The following ZBTB46 variants were observed in gnomAD, a reference collection of about 807,000 sequenced individuals.
The protein encoded by ZBTB46 is zinc finger and BTB domain-containing protein 46.
In ZBTB46, 8 loss-of-function variants were observed where a neutral mutation model predicts 44.1. The observed-to-expected ratio is 0.18, with a 90% CI of 0.11 to 0.33. The LOEUF (loss-of-function observed/expected upper bound fraction) is 0.33, where lower values mean the gene tolerates loss of function less well. ZBTB46 is among the 10% of genes least tolerant of loss of function. ZBTB46 has a pLI of 1.00. For synonymous variants in ZBTB46, 409 were observed against 382.3 expected (o/e 1.07, Z -0.81); for missense variants, 651 against 847.7 (o/e 0.77, Z 2.88).
chr20:63,809,977 AAAG>A (rs1411721769), intron 1 of ZBTB46, among the ~76,000 whole-genome samples: 1 of 151,654 alleles, frequency 6.6e-6, no homozygotes, highest in Non-Finnish European at 1.5e-5. Flanking sequence ...AAAAAAAAGA[AAAG>A]AAAACTCTAA....
At chr20:63,813,319 C>T (rs1411863769) in intron 1 of ZBTB46, among the ~76,000 whole-genome samples, 2 of 151,174 alleles carry the variant, frequency 1.3e-5, no homozygotes, top group Non-Finnish European at 1.5e-5. Flanking sequence ...TGTGGTGGAG[C>T]GCGCCTGTAA....
At chr20:63,755,933 A>G (rs1361126606) in intron 3 of ZBTB46, among the ~76,000 whole-genome samples, 1 of 152,220 alleles carries the variant, frequency 6.6e-6, no homozygotes, top group Non-Finnish European at 1.5e-5. Flanking sequence ...CGCAAGGAAA[A>G]GGCCAACTTC....
At chr20:63,827,328 C>A (rs933244217) in intron 1 of ZBTB46, among the ~76,000 whole-genome samples, 5 of 152,212 alleles carry the variant, frequency 3.3e-5, no homozygotes, top group African/African-American at 4.8e-5. Context: ...CAAAAGATGG[C>A]CGGGCGCGGT....
rs183774793 is a variant in ZBTB46, at chr20:63,803,409, G to C, written c.-33-12619C>G. The C allele has an allele frequency of 9.0e-5, 89 of 985,464 alleles. No individual in the cohort carries two copies. In the African/African-American group the frequency reaches 1.4e-3, roughly 16 times the overall value. The allele number at this position is 985,464 out of a possible 1,614,324, so 61.0% of individuals were successfully genotyped here. A position where few individuals can be genotyped will look rare whatever the true frequency, so the allele number is the denominator to read the frequency against. ...GAAAACACTCCAAGACATGTTAGCA[G>C]AGTCGTCTTTCGACAGCGAGACCGG... On this transcript the variant is annotated intron_variant, in intron 1 of 4. Coordinates refer to ENST00000245663, the MANE Select transcript of ZBTB46 (RefSeq NM_001369741.1). This position sits in a 1 kb window ranked among gnomAD's most constrained non-coding sequence, Gnocchi z 4.0.
In ZBTB46 at chr20:63,752,874, G is replaced by A. The variant is rs1180164754; in HGVS notation, c.1223-13C>T. 6.3e-7 allele frequency: 1 copy of A among 1,587,966 alleles called. No individual in the cohort carries two copies. The highest frequency in any genetic ancestry group is 2.3e-5 in the East Asian group (1 of 44,144). ...GTGAACTCATTCACTGAAAGAGAGG[G>A]ACCCGCGAGGCGTCAGCAGGGCTTG... On this transcript the variant is annotated splice_polypyrimidine_tract_variant and intron_variant, in intron 3 of 4. Coordinates refer to ENST00000245663, the MANE Select transcript of ZBTB46 (RefSeq NM_001369741.1). The surrounding 1 kb of genome is among the most constrained non-coding windows in gnomAD (Gnocchi z 5.6).
intron 1 of ZBTB46, among the ~76,000 whole-genome samples, chr20:63,817,467 C>A (rs2092765930): frequency 6.6e-6 from 1 of 151,796 alleles, no homozygotes; most frequent in South Asian, 2.1e-4. Flanking sequence ...GTAATCCCAG[C>A]TCTTCAGGAG....
chr20:63,775,779 A>G lies in ZBTB46; in HGVS notation c.1121T>C (p.Leu374Pro), dbSNP rs747309768. 3.1e-6 allele frequency: 5 copies of G among 1,613,114 alleles called. No homozygotes were observed. Among genetic ancestry groups the G allele is most frequent in the Non-Finnish European group, 4.2e-6 (5 of 1,179,874 alleles). The change falls in exon 3 of 5, where the codon CTC becomes CCC. Residue 374 changes from leucine (L) to proline (P), a missense_variant. Coordinates refer to ENST00000245663, the MANE Select transcript of ZBTB46 (RefSeq NM_001369741.1). ...ATAVANLRAA[L>P]MSKNSLLSLK... ...CGACAGCAGGCTGTTCTTACTCATGAGCGCCGCGCGCAGGTTGGCCACCGC... is the reference window on the plus strand; with the variant it reads ...CGACAGCAGGCTGTTCTTACTCATGGGCGCCGCGCGCAGGTTGGCCACCGC...
intron 4 of ZBTB46, among the ~76,000 whole-genome samples, chr20:63,749,905 C>G (rs992535926): frequency 2.0e-5 from 3 of 152,222 alleles, no homozygotes; most frequent in Admixed American, 2.0e-4. Flanking sequence ...GGCAAATGCC[C>G]TGGAAGGAAG....
intron 4 of ZBTB46, among the ~76,000 whole-genome samples, chr20:63,748,963 C>T (rs1009648338): frequency 2.0e-5 from 3 of 152,258 alleles, no homozygotes; most frequent in African/African-American, 7.2e-5. Flanking sequence ...TGGGGCTGGA[C>T]CCGGGCCCTT....
At chr20:63,781,467 A>G (rs1184151515) in intron 2 of ZBTB46, among the ~76,000 whole-genome samples, 1 of 152,244 alleles carries the variant, frequency 6.6e-6, no homozygotes, top group African/African-American at 2.4e-5. Context: ...TATGAATGGC[A>G]TCATCCGCCA....
chr20:63,762,284 T>G (rs1177024753), intron 3 of ZBTB46, among the ~76,000 whole-genome samples: 1 of 152,228 alleles, frequency 6.6e-6, no homozygotes, highest in Non-Finnish European at 1.5e-5. Context: ...CTGAGATAAG[T>G]GTTTTAAAAC....
At chr20:63,761,643 G>A (rs761922646) in intron 3 of ZBTB46, among the ~76,000 whole-genome samples, 13 of 151,992 alleles carry the variant, frequency 8.6e-5, no homozygotes, top group Non-Finnish European at 1.2e-4. Flanking sequence ...TTATCCAGGC[G>A]TGGTGGCCGG....
chr20:63,756,093 AG>A (rs2092218171), intron 3 of ZBTB46, among the ~76,000 whole-genome samples: 1 of 152,230 alleles, frequency 6.6e-6, no homozygotes, highest in Non-Finnish European at 1.5e-5. Context: ...CCCTAAGCTC[AG>A]GGAAGAGCAG....
At position 63,787,271 on chromosome 20, in the gene ZBTB46, C is replaced by CA. The variant is rs1405111507; in HGVS notation, c.937+2549_937+2550insT. On this transcript the variant is annotated intron_variant, in intron 2 of 4. Transcript: ENST00000245663. The surrounding 1 kb of genome is among the most constrained non-coding windows in gnomAD (Gnocchi z 4.6). The stretch of plus-strand genomic sequence containing the variant: ...CTGGTGGCGTGACAGGAATAGCCAT[C>CA]GCCATCCTAGCCATCGCCATCCTAG... Among the ~76,000 whole-genome samples, 1 of 151,966 alleles carries CA rather than the reference C, an allele frequency of 6.6e-6. No homozygotes were observed. The highest frequency in any genetic ancestry group is 2.4e-5 in the African/African-American group (1 of 41,372).
chr20:63,820,192 C>T (rs1410226243), intron 1 of ZBTB46, among the ~76,000 whole-genome samples: 1 of 151,872 alleles, frequency 6.6e-6, no homozygotes, highest in African/African-American at 2.4e-5. Context: ...CTCCCAGGTT[C>T]ACGCCATTCT....
intron 1 of ZBTB46, among the ~76,000 whole-genome samples, chr20:63,798,449 C>T (rs187647880): frequency 6.3e-4 from 96 of 151,798 alleles, no homozygotes; most frequent in African/African-American, 1.8e-3. Flanking sequence ...CCGAGGTGGG[C>T]GGATTACCTG....
rs1453660560 is a variant in ZBTB46, at chr20:63,746,166, T to C, written c.*764A>G. The C allele has an allele frequency of 3.3e-5, 5 of 152,674 alleles. No individual in the cohort carries two copies. 9.5% of individuals were successfully genotyped at this position (152,674 alleles called of 1,614,324 possible). On this transcript the variant is annotated 3_prime_UTR_variant, in exon 5 of 5. Coordinates refer to ENST00000245663, the MANE Select transcript of ZBTB46 (RefSeq NM_001369741.1). ...CGGGGTGGACGTGGCAGCCCAAGGC[T>C]CTCCGAGGAAGTGCACACGACTGAG...
chr20:63,766,279 G>A (rs921465452), intron 3 of ZBTB46, among the ~76,000 whole-genome samples: 23 of 133,394 alleles, frequency 1.7e-4, no homozygotes, highest in Non-Finnish European at 2.7e-4. Flanking sequence ...GCAATGGCAT[G>A]ATCTCTGCTC....
chr20:63,752,656 G>C lies in ZBTB46; in HGVS notation c.1398+30C>G. 6.7e-7 allele frequency: 1 copy of C among 1,498,360 alleles called. No individual in the cohort carries two copies. Among genetic ancestry groups the C allele is most frequent in the Non-Finnish European group, 8.9e-7 (1 of 1,122,872 alleles). 92.8% of individuals were successfully genotyped at this position (1,498,360 alleles called of 1,614,324 possible). On this transcript the variant is annotated intron_variant, in intron 4 of 4. Coordinates refer to ENST00000245663, the MANE Select transcript of ZBTB46 (RefSeq NM_001369741.1). The surrounding 1 kb of genome is among the most constrained non-coding windows in gnomAD (Gnocchi z 5.6). Reference sequence around the variant, plus strand: ...CCCGGACATCGTGGCCACGCGCAGCGCGCGGCACGCGGACCCTCCCCGCAC... The same window carrying C: ...CCCGGACATCGTGGCCACGCGCAGCCCGCGGCACGCGGACCCTCCCCGCAC...
Sources: gnomAD v4.1 joint callset for allele counts (sites outside exome capture counted in the v4.1 genomes callset) on GRCh38, gnomAD v4.1.1 for gene constraint, Gnocchi (gnomAD v3.1) non-coding constraint, MANE v1.5 for transcripts, NCBI Gene and HGNC (gene_info 2026-07-23, HGNC 2026-07-21) for gene names.